CMIP: variants seen among roughly 807,000 people sequenced by gnomAD.
The protein encoded by CMIP is c-Maf inducing protein.
In CMIP, 13 loss-of-function variants were observed where a neutral mutation model predicts 97.3. The observed-to-expected ratio is 0.13, with a 90% confidence interval of 0.09 to 0.21. The LOEUF (loss-of-function observed/expected upper bound fraction) is 0.21, where lower values mean the gene tolerates loss of function less well. CMIP is among the 10% of genes least tolerant of loss of function. The pLI, the probability that CMIP is intolerant of heterozygous loss-of-function variation, is 1.00. For missense variants in CMIP, 847 were observed against 1,024.9 expected (o/e 0.83, Z 2.37); for synonymous variants, 538 against 436.3 (o/e 1.23, Z -2.91).
At position 81,657,753 on chromosome 16, in the gene CMIP, C is replaced by A. The variant is rs752463478; in HGVS notation, c.640-22C>A. On this transcript the variant is annotated intron_variant, in intron 4 of 20. Transcript: ENST00000537098. ...TTTCTTTTGTTTTGTTTTCCTCCTG[C>A]TGTCTCCATTCAATCCTTTAGAACA... 3.2e-5 allele frequency: 50 copies of A among 1,584,150 alleles called. No individual in the cohort carries two copies. In the South Asian group the frequency reaches 4.2e-4, roughly 13 times the overall value.
intron 14 of CMIP, among the ~76,000 whole-genome samples, chr16:81,698,676 T>C (rs1040834341): frequency 6.6e-6 from 1 of 152,184 alleles, no homozygotes; most frequent in African/African-American, 2.4e-5. Context: ...AAGACATTCA[T>C]GTTGTAACAC....
intron 1 of CMIP, among the ~76,000 whole-genome samples, chr16:81,560,562 T>G (rs2090862757): frequency 1.3e-5 from 2 of 152,134 alleles, no homozygotes; most frequent in South Asian, 4.1e-4. Context: ...AAGTGTACAG[T>G]GTTTATGAAG....
At chr16:81,629,003 G>C (rs990638087) in intron 3 of CMIP, among the ~76,000 whole-genome samples, 5 of 151,772 alleles carry the variant, frequency 3.3e-5, no homozygotes, top group African/African-American at 9.7e-5. Flanking sequence ...GGGCGTGGTG[G>C]CTCAGGCCTA....
intron 3 of CMIP, among the ~76,000 whole-genome samples, chr16:81,642,038 T>G (rs748262267): frequency 6.6e-6 from 1 of 152,254 alleles, no homozygotes; most frequent in African/African-American, 2.4e-5. Flanking sequence ...ATGGGATGAT[T>G]TAAAATGTAT....
At chr16:81,640,091 A>C (rs1271758726) in intron 3 of CMIP, among the ~76,000 whole-genome samples, 3 of 152,124 alleles carry the variant, frequency 2.0e-5, no homozygotes, top group African/African-American at 2.4e-5. Context: ...TTCTCCTGGA[A>C]GTTCCTCCTG....
At chr16:81,516,922 G>A (rs994847227) in intron 1 of CMIP, among the ~76,000 whole-genome samples, 1 of 152,010 alleles carries the variant, frequency 6.6e-6, no homozygotes, top group Non-Finnish European at 1.5e-5. Flanking sequence ...AAACCAGACG[G>A]CCTCCAAGGT....
At position 81,668,850 on chromosome 16, in the gene CMIP, T is replaced by TGACTGCCTTCCACACCCACCTCA. The variant is rs1555547183; in HGVS notation, c.826-1292_826-1291insGACTGCCTTCCACACCCACCTCA. Among the ~76,000 whole-genome samples, 6 of 120,898 alleles carry TGACTGCCTTCCACACCCACCTCA rather than the reference T, an allele frequency of 5.0e-5. No individual in the cohort carries two copies. In the East Asian group the frequency reaches 1.7e-3, roughly 33 times the overall value. The allele number at this position is 120,898 out of a possible 152,430, so 79.3% of individuals were successfully genotyped here. A position where few individuals can be genotyped will look rare whatever the true frequency, so the allele number is the denominator to read the frequency against. Reference sequence around the variant, plus strand: ...ACTGCCTTCCACACCCACCTCACACTCACTGCCTTCCACACCCACCTCACA... The same window carrying TGACTGCCTTCCACACCCACCTCA: ...ACTGCCTTCCACACCCACCTCACACTGACTGCCTTCCACACCCACCTCACACTGCCTTCCACACCCACCTCACA... On this transcript the variant is annotated intron_variant, in intron 7 of 20. Coordinates refer to ENST00000537098, the MANE Select transcript of CMIP (RefSeq NM_198390.3).
At chr16:81,694,507 T>C (rs941285397) in intron 13 of CMIP, among the ~76,000 whole-genome samples, 9 of 152,206 alleles carry the variant, frequency 5.9e-5, no homozygotes, top group Non-Finnish European at 1.2e-4. Context: ...TGAGGACACA[T>C]GGACACCAAG....
intron 1 of CMIP, among the ~76,000 whole-genome samples, chr16:81,454,532 A>T (rs927881669): frequency 3.3e-5 from 5 of 152,260 alleles, no homozygotes; most frequent in African/African-American, 1.2e-4. Context: ...AAGGGAACCG[A>T]TGTGGGAAAT....
At position 81,536,298 on chromosome 16, in the gene CMIP, G is replaced by A. The variant is rs115324517; in HGVS notation, c.301-71269G>A. 1.3e-3 allele frequency among the ~76,000 whole-genome samples: 198 copies of A among 152,250 alleles called. 1 individual carries two copies. The highest frequency in any genetic ancestry group is 4.6e-3 in the African/African-American group (193 of 41,542). On this transcript the variant is annotated intron_variant, in intron 1 of 20. Coordinates refer to ENST00000537098, the MANE Select transcript of CMIP (RefSeq NM_198390.3). ...GCTCCTTGCCTTGCTGTGGCAATTG[G>A]AAGTCTTCATCTTACCTTGCGCCAT... is the stretch of plus-strand genomic sequence containing the variant.
chr16:81,579,323 C>T (rs1242962897), intron 1 of CMIP, among the ~76,000 whole-genome samples: 1 of 152,160 alleles, frequency 6.6e-6, no homozygotes, highest in African/African-American at 2.4e-5. Flanking sequence ...TCACCTTTGT[C>T]CCTCTGACTG....
intron 1 of CMIP, chr16:81,495,552 G>C (rs376816017): frequency 2.5e-6 from 4 of 1,576,696 alleles, no homozygotes; most frequent in African/African-American, 2.7e-5. Context: ...CTAAAACCTC[G>C]CCTGCTGCTG....
At chr16:81,537,281 T>G (rs181898816) in intron 1 of CMIP, among the ~76,000 whole-genome samples, 1 of 151,462 alleles carries the variant, frequency 6.6e-6, no homozygotes, top group East Asian at 2.0e-4. Context: ...ACACCTGTAA[T>G]GCCGGCACTT....
intron 1 of CMIP, chr16:81,517,931 C>T: frequency 2.6e-5 from 26 of 984,068 alleles, no homozygotes; most frequent in Non-Finnish European, 3.1e-5. Context: ...CCACGAGATT[C>T]AAGGATTTTC....
chr16:81,606,208 A>G (rs372590380), intron 1 of CMIP, among the ~76,000 whole-genome samples: 1 of 152,076 alleles, frequency 6.6e-6, no homozygotes, highest in Admixed American at 6.5e-5. Context: ...TGGCCATGCC[A>G]CTCCTAGCTA....
chr16:81,540,292 C>T (rs2090424213), intron 1 of CMIP, among the ~76,000 whole-genome samples: 3 of 152,170 alleles, frequency 2.0e-5, no homozygotes. Context: ...CCTGTGCCGC[C>T]TCTGATCCGT....
intron 1 of CMIP, among the ~76,000 whole-genome samples, chr16:81,490,517 G>A (rs566983212): frequency 9.8e-5 from 15 of 152,302 alleles, no homozygotes; most frequent in Non-Finnish European, 1.3e-4. Flanking sequence ...CTACTCGGGC[G>A]GCTGAGGCAG....
rs76844412 is a variant in CMIP at position 81,589,120 on chromosome 16, G to A, written c.301-18447G>A. Reference sequence around the variant, plus strand: ...GTTTTTCTTTTCTTTTTGAGGCAGTGTGTCACCCTGTGGTCCAGGCTGCTG... The same window carrying A: ...GTTTTTCTTTTCTTTTTGAGGCAGTATGTCACCCTGTGGTCCAGGCTGCTG... On this transcript the variant is annotated intron_variant, in intron 1 of 20. Transcript: ENST00000537098. 5.9e-3 allele frequency among the ~76,000 whole-genome samples: 890 copies of A among 150,786 alleles called. 3 individuals carry two copies. The highest frequency in any genetic ancestry group is 0.01 in the Non-Finnish European group (682 of 67,760).
At chr16:81,653,430 G>A (rs1404290458) in intron 4 of CMIP, among the ~76,000 whole-genome samples, 1 of 152,260 alleles carries the variant, frequency 6.6e-6, no homozygotes, top group Non-Finnish European at 1.5e-5. Flanking sequence ...GTAGAAAGTA[G>A]GTGGCAGTGA....
Sources: allele counts gnomAD v4.1 joint callset (sites outside exome capture counted in the v4.1 genomes callset), GRCh38; gene constraint gnomAD v4.1.1; transcripts MANE v1.5; gene names NCBI Gene and HGNC (gene_info 2026-07-23, HGNC 2026-07-21).